The following LINGO2 variants were observed in gnomAD, a reference collection of about 807,000 sequenced individuals.
LINGO2 encodes leucine rich repeat and Ig domain containing 2.
LINGO2 carries 14 observed loss-of-function variants against 30.6 expected under a neutral mutation model. The ratio of observed to expected loss-of-function variants is 0.46; its 90% CI spans 0.30 to 0.72. The LOEUF is 0.72. LINGO2 is among the 30% of genes least tolerant of loss of function. The pLI is 0.07. For synonymous variants in LINGO2, 317 were observed against 288.5 expected (o/e 1.10, Z -1.00); for missense variants, 729 against 751.7 (o/e 0.97, Z 0.35).
intron 2 of LINGO2, among the ~76,000 whole-genome samples, chr9:28,402,325 T>G (rs1053369297): frequency 5.3e-5 from 8 of 152,166 alleles, no homozygotes; most frequent in Non-Finnish European, 4.4e-5. Context: ...AGTGTTAGTA[T>G]GTGAAAAGAG....
At chr9:28,343,756 C>A (rs1200483715) in intron 3 of LINGO2, among the ~76,000 whole-genome samples, 3 of 152,054 alleles carry the variant, frequency 2.0e-5, no homozygotes, top group Non-Finnish European at 2.9e-5. Flanking sequence ...CTCTTCTCAC[C>A]ATTTCTATAG....
chr9:29,022,375 G>GC, the LINGO2 span, among the ~76,000 whole-genome samples: 1 of 152,106 alleles, frequency 6.6e-6, no homozygotes, highest in South Asian at 2.1e-4. Flanking sequence ...AGAATGGTGG[G>GC]CTGCTTCTGT....
At chr9:28,255,241 C>T (rs1822343534) in intron 4 of LINGO2, among the ~76,000 whole-genome samples, 4 of 151,984 alleles carry the variant, frequency 2.6e-5, no homozygotes, top group Non-Finnish European at 4.4e-5. Context: ...ATTCCTAGCA[C>T]ACTTAAAATT....
chr9:29,106,193 T>C, the LINGO2 span, among the ~76,000 whole-genome samples: 1 of 152,190 alleles, frequency 6.6e-6, no homozygotes, highest in Non-Finnish European at 1.5e-5. Context: ...AGTAGGTATC[T>C]GGGTACCTAA....
intron 2 of LINGO2, among the ~76,000 whole-genome samples, chr9:28,427,735 C>G (rs1346511321): frequency 6.6e-6 from 1 of 152,018 alleles, no homozygotes; most frequent in African/African-American, 2.4e-5. Flanking sequence ...TGTGTTCGTT[C>G]CAAAGGTATT....
the LINGO2 span, among the ~76,000 whole-genome samples, chr9:29,107,280 TA>T: frequency 6.6e-6 from 1 of 152,142 alleles, no homozygotes; most frequent in African/African-American, 2.4e-5. Context: ...TACCTAAAAG[TA>T]CTTTTGTAAC....
At chr9:29,017,176 G>A in the LINGO2 span, among the ~76,000 whole-genome samples, 8,144 of 42,952 alleles carry the variant, frequency 0.19, 313 homozygotes, top group Non-Finnish European at 0.28. Flanking sequence ...ATCATACTAT[G>A]TAATTAAGGA....
intron 4 of LINGO2, among the ~76,000 whole-genome samples, chr9:28,145,358 T>C (rs949843592): frequency 1.3e-5 from 2 of 152,244 alleles, no homozygotes; most frequent in Non-Finnish European, 2.9e-5. Context: ...TTGCATACTT[T>C]GGGTATTTTA....
intron 5 of LINGO2, among the ~76,000 whole-genome samples, chr9:27,989,012 C>T (rs186713990): frequency 5.3e-5 from 8 of 152,024 alleles, no homozygotes; most frequent in East Asian, 1.9e-4. Flanking sequence ...AGTCTTCTTC[C>T]TCTACCACTG....
At chr9:28,575,927 T>TACATAC (rs1823958328) in intron 1 of LINGO2, among the ~76,000 whole-genome samples, 1 of 149,522 alleles carries the variant, frequency 6.7e-6, no homozygotes, top group East Asian at 2.0e-4. Context: ...AGCCTTGAAA[T>TACATAC]ACACACACAC....
chr9:28,110,227 C>T (rs139907382), intron 4 of LINGO2, among the ~76,000 whole-genome samples: 2 of 152,106 alleles, frequency 1.3e-5, no homozygotes, highest in African/African-American at 2.4e-5. Flanking sequence ...TTCCTTACAC[C>T]TTATATAAAA....
chr9:27,980,210 GA>G (rs1183426352), intron 5 of LINGO2, among the ~76,000 whole-genome samples: 1 of 151,920 alleles, frequency 6.6e-6, no homozygotes, highest in Admixed American at 6.6e-5. Flanking sequence ...CACAGTTCAA[GA>G]AAGACACAGC....
intron 4 of LINGO2, among the ~76,000 whole-genome samples, chr9:28,031,660 G>A (rs1823677856): frequency 6.6e-6 from 1 of 152,162 alleles, no homozygotes. Flanking sequence ...GATTAGTTGA[G>A]ATAATTATGA....
chr9:28,063,790 T>A (rs1825228031), intron 4 of LINGO2, among the ~76,000 whole-genome samples: 1 of 152,132 alleles, frequency 6.6e-6, no homozygotes. Flanking sequence ...ATGGCTATAG[T>A]TTGGACACTT....
chr9:28,180,264 G>T (rs1459677509), intron 4 of LINGO2, among the ~76,000 whole-genome samples: 3 of 152,026 alleles, frequency 2.0e-5, no homozygotes, highest in Non-Finnish European at 1.5e-5. Flanking sequence ...TGTGGCCAGG[G>T]GTATCTTCAA....
the LINGO2 span, among the ~76,000 whole-genome samples, chr9:28,863,990 G>C: frequency 3.3e-5 from 5 of 151,866 alleles, no homozygotes; most frequent in East Asian, 7.7e-4. Context: ...GAAAAAACAG[G>C]GTTCTGCTCA....
At chr9:28,565,988 A>G (rs1823360466) in intron 1 of LINGO2, among the ~76,000 whole-genome samples, 1 of 152,142 alleles carries the variant, frequency 6.6e-6, no homozygotes, top group African/African-American at 2.4e-5. Context: ...AAATATGAAC[A>G]TATAATCCAC....
chr9:28,197,750 A>C (rs933875568), intron 4 of LINGO2, among the ~76,000 whole-genome samples: 14 of 152,002 alleles, frequency 9.2e-5, no homozygotes, highest in African/African-American at 3.4e-4. Context: ...CATAAAAATG[A>C]TCAAATCAAA....
chr9:28,342,457 C>A (rs943964409), intron 3 of LINGO2, among the ~76,000 whole-genome samples: 4 of 152,128 alleles, frequency 2.6e-5, no homozygotes, highest in African/African-American at 9.7e-5. Context: ...GCTGCAGTGA[C>A]CCACCAGCCC....
Sources: allele counts gnomAD v4.1 joint callset (sites outside exome capture counted in the v4.1 genomes callset), GRCh38; gene constraint gnomAD v4.1.1; transcripts MANE v1.5; gene names NCBI Gene and HGNC (gene_info 2026-07-23, HGNC 2026-07-21).